PRKG1: variants seen among roughly 807,000 people sequenced by gnomAD.
The protein encoded by PRKG1 is cGMP-dependent protein kinase 1.
PRKG1 carries 35 observed loss-of-function variants against 88.1 expected under a neutral mutation model. The observed-to-expected ratio is 0.40, with a 90% CI of 0.30 to 0.53. The LOEUF (loss-of-function observed/expected upper bound fraction) is 0.53, where lower values mean the gene tolerates loss of function less well. PRKG1 is among the 20% of genes least tolerant of loss of function. PRKG1 has a pLI of 0.59. For missense variants in PRKG1, 540 were observed against 839.8 expected, an observed-to-expected ratio of 0.64 and a Z score of 4.41; for synonymous variants, 303 against 292.5, an observed-to-expected ratio of 1.04 and a Z score of -0.37.
chr10:51,076,750 A>G (rs1417635342), intron 1 of PRKG1, among the ~76,000 whole-genome samples: 5 of 152,216 alleles, frequency 3.3e-5, no homozygotes, highest in Admixed American at 6.5e-5. Flanking sequence ...AAACAAACGA[A>G]AAAGGTCCAG....
At chr10:51,785,038 A>G (rs1329729783) in intron 3 of PRKG1, among the ~76,000 whole-genome samples, 1 of 151,760 alleles carries the variant, frequency 6.6e-6, no homozygotes, top group Admixed American at 6.6e-5. Flanking sequence ...TCTTTAGGCC[A>G]TAAAATTGCA....
intron 3 of PRKG1, among the ~76,000 whole-genome samples, chr10:51,487,608 A>G (rs1840586167): frequency 6.6e-6 from 1 of 152,076 alleles, no homozygotes; most frequent in Non-Finnish European, 1.5e-5. Flanking sequence ...CTTCTAATTT[A>G]GAGAATACAG....
intron 8 of PRKG1, among the ~76,000 whole-genome samples, chr10:52,134,991 A>G (rs1239694486): frequency 6.6e-6 from 1 of 152,148 alleles, no homozygotes; most frequent in Non-Finnish European, 1.5e-5. Flanking sequence ...TTTACTGAGA[A>G]TCTCCCATGT....
intron 2 of PRKG1, among the ~76,000 whole-genome samples, chr10:51,181,545 AT>A (rs978185770): frequency 6.6e-6 from 1 of 151,840 alleles, no homozygotes; most frequent in Admixed American, 6.6e-5. Context: ...CCGGCCTAGA[AT>A]TTTTTTAATT....
At chr10:52,133,073 A>G (rs1338880695) in intron 7 of PRKG1, among the ~76,000 whole-genome samples, 13 of 152,218 alleles carry the variant, frequency 8.5e-5, no homozygotes, top group Middle Eastern at 3.4e-3. Context: ...GTACCCGTTA[A>G]CCATGTTACC....
At chr10:51,288,797 T>A (rs1840509213) in intron 2 of PRKG1, among the ~76,000 whole-genome samples, 1 of 152,182 alleles carries the variant, frequency 6.6e-6, no homozygotes, top group African/African-American at 2.4e-5. Context: ...AAGAGGTATG[T>A]GTAGTTATTC....
intron 5 of PRKG1, among the ~76,000 whole-genome samples, chr10:52,046,156 A>G (rs1437452102): frequency 6.6e-6 from 1 of 152,118 alleles, no homozygotes; most frequent in Admixed American, 6.6e-5. Flanking sequence ...ATTAAACTTT[A>G]GATTGTTCAG....
At chr10:51,239,362 C>A (rs1410632394) in intron 2 of PRKG1, among the ~76,000 whole-genome samples, 1 of 152,170 alleles carries the variant, frequency 6.6e-6, no homozygotes, top group Non-Finnish European at 1.5e-5. Context: ...CACTCTCTGA[C>A]CCTAAGTATC....
At chr10:51,817,054 C>G (rs1839605005) in intron 4 of PRKG1, among the ~76,000 whole-genome samples, 3 of 152,188 alleles carry the variant, frequency 2.0e-5, no homozygotes, top group Admixed American at 6.5e-5. Context: ...TTTAATTACA[C>G]AGAATTCTAA....
At chr10:52,031,257 G>A (rs1182657556) in intron 5 of PRKG1, among the ~76,000 whole-genome samples, 2 of 152,148 alleles carry the variant, frequency 1.3e-5, no homozygotes, top group East Asian at 1.9e-4. Flanking sequence ...AGCATATGTA[G>A]CACCTGTAAG....
At chr10:52,059,092 G>A (rs1846175431) in intron 6 of PRKG1, among the ~76,000 whole-genome samples, 1 of 151,840 alleles carries the variant, frequency 6.6e-6, no homozygotes, top group African/African-American at 2.4e-5. Flanking sequence ...CATTAGAAAA[G>A]TGCATATTGA....
At chr10:51,262,512 T>G (rs1295006318) in intron 2 of PRKG1, among the ~76,000 whole-genome samples, 4 of 148,828 alleles carry the variant, frequency 2.7e-5, no homozygotes, top group Admixed American at 2.7e-4. Flanking sequence ...TTAATTCCAT[T>G]TTATTGCCTA....
At chr10:51,487,265 G>T (rs911295964) in intron 3 of PRKG1, among the ~76,000 whole-genome samples, 1 of 152,044 alleles carries the variant, frequency 6.6e-6, no homozygotes, top group Non-Finnish European at 1.5e-5. Context: ...TTTAAAATAT[G>T]AATATTAATC....
intron 9 of PRKG1, among the ~76,000 whole-genome samples, chr10:52,178,988 T>G (rs1564504377): frequency 6.6e-6 from 1 of 152,026 alleles, no homozygotes; most frequent in Non-Finnish European, 1.5e-5. Context: ...ATGAGAAATT[T>G]AATCCATTTT....
At chr10:51,422,087 C>G (rs181809416) in intron 2 of PRKG1, among the ~76,000 whole-genome samples, 1 of 152,184 alleles carries the variant, frequency 6.6e-6, no homozygotes, top group Non-Finnish European at 1.5e-5. Context: ...AATGAAAAGG[C>G]AAGTTCAGTT....
intron 1 of PRKG1, among the ~76,000 whole-genome samples, chr10:51,136,318 A>G (rs946359702): frequency 1.3e-5 from 2 of 151,958 alleles, no homozygotes; most frequent in African/African-American, 4.8e-5. Context: ...GACTTCGGTG[A>G]GCTTCAGGTA....
chr10:51,716,908 G>T (rs1841900601), intron 3 of PRKG1, among the ~76,000 whole-genome samples: 1 of 152,198 alleles, frequency 6.6e-6, no homozygotes. Flanking sequence ...ATGTTGGCCA[G>T]GCTGATCTTG....
chr10:51,652,980 C>A (rs1247226259), intron 3 of PRKG1, among the ~76,000 whole-genome samples: 3 of 152,134 alleles, frequency 2.0e-5, no homozygotes, highest in Non-Finnish European at 2.9e-5. Context: ...GTCTTCTGTG[C>A]CTAGCTTATT....
intron 9 of PRKG1, among the ~76,000 whole-genome samples, chr10:52,191,824 C>G (rs946815752): frequency 6.6e-6 from 1 of 152,088 alleles, no homozygotes; most frequent in African/African-American, 2.4e-5. Context: ...CCTGAATCAG[C>G]TATCTCATTA....
Sources: allele counts gnomAD v4.1 joint callset (sites outside exome capture counted in the v4.1 genomes callset), GRCh38; gene constraint gnomAD v4.1.1; transcripts MANE v1.5; gene names NCBI Gene and HGNC (gene_info 2026-07-23, HGNC 2026-07-21).